CPE: variants seen among roughly 807,000 people sequenced by gnomAD.
CPE encodes carboxypeptidase E, also known as carbocypeptidase E.
Under a neutral mutation model 53.5 loss-of-function variants are expected in CPE, and 17 were observed. That is an observed-to-expected ratio of 0.32 (90% CI 0.22 to 0.48). The LOEUF (loss-of-function observed/expected upper bound fraction) is 0.48, where lower values mean the gene tolerates loss of function less well. Among genes scored for constraint, CPE ranks in the 20% least tolerant of loss-of-function variants. The probability of loss-of-function intolerance (pLI) is 0.99; values close to 1 mark genes in which losing one functional copy is unlikely to be tolerated. For synonymous variants in CPE, 226 were observed against 228.8 expected, an observed-to-expected ratio of 0.99 and a Z score of 0.11; for missense variants, 524 against 614.7, an observed-to-expected ratio of 0.85 and a Z score of 1.56.
chr4:165,482,763 A>G (rs1332113519), intron 4 of CPE, among the ~76,000 whole-genome samples: 2 of 152,116 alleles, frequency 1.3e-5, no homozygotes, highest in Admixed American at 6.5e-5. Context: ...GGATCTCTAC[A>G]TGTGTCTTAT....
chr4:165,469,342 C>T (rs914417335), intron 3 of CPE, among the ~76,000 whole-genome samples: 1 of 152,112 alleles, frequency 6.6e-6, no homozygotes. Context: ...AGTGAGAGCT[C>T]GCAAAGTACC....
chr4:165,440,884 T>G (rs1370435758), intron 1 of CPE, among the ~76,000 whole-genome samples: 2 of 152,132 alleles, frequency 1.3e-5, no homozygotes, highest in African/African-American at 4.8e-5. Flanking sequence ...ATGTGCAGCA[T>G]TAGCAAATGC....
At chr4:165,432,828 T>C (rs1396211867) in intron 1 of CPE, among the ~76,000 whole-genome samples, 2 of 152,144 alleles carry the variant, frequency 1.3e-5, no homozygotes, top group East Asian at 1.9e-4. Flanking sequence ...ACCAGAGACC[T>C]GGGAGTTATT....
chr4:165,439,895 C>T (rs527605250), intron 1 of CPE, among the ~76,000 whole-genome samples: 103 of 152,196 alleles, frequency 6.8e-4, no homozygotes, highest in African/African-American at 2.5e-3. Context: ...AAAGCACTCC[C>T]CAGATCAGCT....
In CPE at chr4:165,461,166, C is replaced by CAAAAA. The variant is rs1173022270; in HGVS notation, c.308-3207_308-3203dup. Among the ~76,000 whole-genome samples the CAAAAA allele has an allele frequency of 2.7e-3, 119 of 44,168 alleles. 5 individuals are homozygous for CAAAAA. The East Asian group carries it at 0.027, about 10-fold the overall frequency. 29.0% of individuals were successfully genotyped at this position (44,168 alleles called of 152,430 possible). A position where few individuals can be genotyped will look rare whatever the true frequency, so the allele number is the denominator to read the frequency against. ...TGGGTGACAGAGTGAGCCTCTGCCT[C>CAAAAA]AAAAAAAAAAAAAAAAAAAAAGAAA... is the stretch of plus-strand genomic sequence containing the variant. On this transcript the variant is annotated intron_variant, in intron 1 of 8. Transcript: ENST00000402744.
At chr4:165,413,506 A>G (rs943869835) in intron 1 of CPE, among the ~76,000 whole-genome samples, 4 of 152,184 alleles carry the variant, frequency 2.6e-5, no homozygotes, top group Non-Finnish European at 5.9e-5. Flanking sequence ...TGGAGAATTC[A>G]AGAGGCTTTG....
At chr4:165,481,799 A>C (rs1412085824) in intron 3 of CPE, among the ~76,000 whole-genome samples, 2 of 152,152 alleles carry the variant, frequency 1.3e-5, no homozygotes, top group Middle Eastern at 6.3e-3. Context: ...ATTTGGAAAT[A>C]AACTTTACCA....
At chr4:165,491,011 G>T (rs1732593680) in intron 6 of CPE, among the ~76,000 whole-genome samples, 1 of 152,194 alleles carries the variant, frequency 6.6e-6, no homozygotes, top group African/African-American at 2.4e-5. Flanking sequence ...TTTCCAGTCT[G>T]AATTCATGGG....
chr4:165,463,729 T>C (rs1003292112), intron 1 of CPE, among the ~76,000 whole-genome samples: 2 of 152,252 alleles, frequency 1.3e-5, no homozygotes, highest in Admixed American at 6.5e-5. Flanking sequence ...TACTTATTTT[T>C]AGATGTTTGG....
At chr4:165,495,029 T>G (rs1276233455) in intron 7 of CPE, among the ~76,000 whole-genome samples, 1 of 152,224 alleles carries the variant, frequency 6.6e-6, no homozygotes, top group Non-Finnish European at 1.5e-5. Flanking sequence ...TTCCCAGGTT[T>G]GCACCCAAGT....
chr4:165,453,067 C>T (rs987155945), intron 1 of CPE, among the ~76,000 whole-genome samples: 4 of 152,026 alleles, frequency 2.6e-5, no homozygotes, highest in African/African-American at 9.7e-5. Context: ...TCAAGTGATT[C>T]TCCCGCCTCA....
intron 2 of CPE, among the ~76,000 whole-genome samples, chr4:165,466,106 G>A (rs1009660452): frequency 1.3e-5 from 2 of 152,112 alleles, no homozygotes; most frequent in African/African-American, 4.8e-5. Flanking sequence ...TTGTCATTTT[G>A]TGAACATTCT....
chr4:165,384,234 G>C (rs575645140), intron 1 of CPE, among the ~76,000 whole-genome samples: 1 of 152,244 alleles, frequency 6.6e-6, no homozygotes, highest in Non-Finnish European at 1.5e-5. Context: ...TGTAAACAAA[G>C]ATAAACAGGT....
intron 1 of CPE, among the ~76,000 whole-genome samples, chr4:165,400,641 C>T (rs1730850188): frequency 6.6e-6 from 1 of 152,146 alleles, no homozygotes; most frequent in South Asian, 2.1e-4. Flanking sequence ...AAGTGAAGGG[C>T]AGTTTCACCT....
intron 1 of CPE, among the ~76,000 whole-genome samples, chr4:165,407,482 C>T (rs1037015821): frequency 6.6e-6 from 1 of 151,700 alleles, no homozygotes; most frequent in Non-Finnish European, 1.5e-5. Flanking sequence ...GGGATTCTCC[C>T]ACTTCAGCCT....
chr4:165,477,505 A>G (rs1579279535), intron 3 of CPE, among the ~76,000 whole-genome samples: 1 of 152,278 alleles, frequency 6.6e-6, no homozygotes, highest in East Asian at 1.9e-4. Context: ...TAAGTGTGAG[A>G]CAGTGTTTTG....
At chr4:165,463,284 A>G (rs985276049) in intron 1 of CPE, among the ~76,000 whole-genome samples, 2 of 152,214 alleles carry the variant, frequency 1.3e-5, no homozygotes, top group African/African-American at 4.8e-5. Flanking sequence ...GAACTTCACA[A>G]TGACAAGATA....
chr4:165,397,577 C>A (rs1730789729), intron 1 of CPE, among the ~76,000 whole-genome samples: 1 of 152,224 alleles, frequency 6.6e-6, no homozygotes, highest in Non-Finnish European at 1.5e-5. Flanking sequence ...TTCTTAGACA[C>A]TCTCTTTCCA....
rs1041984562 is a variant in CPE at position 165,392,877 on chromosome 4, A to G, written c.307+13349A>G. 1.1e-4 allele frequency among the ~76,000 whole-genome samples: 16 copies of G among 147,836 alleles called. 2 individuals are homozygous for G. Among genetic ancestry groups the G allele is most frequent in the East Asian group, 3.9e-4 (2 of 5,136 alleles). On this transcript the variant is annotated intron_variant, in intron 1 of 8. Transcript: ENST00000402744. ...TATAGTCTGTTATAATATATCACAT[A>G]TATAAATAATATATATATAAATCAA...
Sources: allele counts gnomAD v4.1 joint callset (sites outside exome capture counted in the v4.1 genomes callset), GRCh38; gene constraint gnomAD v4.1.1; transcripts MANE v1.5; gene names NCBI Gene and HGNC (gene_info 2026-07-23, HGNC 2026-07-21).